The following BCR variants were observed in gnomAD, a reference collection of about 807,000 sequenced individuals.
BCR encodes the protein breakpoint cluster region protein.
A neutral mutation model predicts 138.6 loss-of-function variants in BCR; 58 were observed. The ratio of observed to expected loss-of-function variants is 0.42; its 90% CI spans 0.34 to 0.52. The LOEUF (loss-of-function observed/expected upper bound fraction) is 0.52. BCR is among the 20% of genes least tolerant of loss of function. The probability of loss-of-function intolerance (pLI) is 0.06; values close to 1 mark genes in which losing one functional copy is unlikely to be tolerated. For missense variants in BCR, 1,599 were observed against 1,727.2 expected, an observed-to-expected ratio of 0.93 and a Z score of 1.32; for synonymous variants, 786 against 730.1, an observed-to-expected ratio of 1.08 and a Z score of -1.23.
At chr22:23,264,379 CTG>C (rs1271016848) in intron 4 of BCR, 13 of 871,540 alleles carry the variant, frequency 1.5e-5, no homozygotes, top group Non-Finnish European at 2.5e-5. Context: ...CCACCCCTGC[CTG>C]TGGGCCAAGG....
chr22:23,291,862 G>A (rs1040541879), intron 14 of BCR, among the ~76,000 whole-genome samples: 4 of 152,132 alleles, frequency 2.6e-5, no homozygotes, highest in Non-Finnish European at 5.9e-5. Flanking sequence ...CCTGGCTGTG[G>A]CCTCCTCCCT....
intron 8 of BCR, among the ~76,000 whole-genome samples, chr22:23,279,997 A>G (rs2073624803): frequency 1.3e-5 from 2 of 152,130 alleles, no homozygotes; most frequent in Admixed American, 6.5e-5. Context: ...ACATGGAGAG[A>G]GAAAAGGACC....
intron 5 of BCR, among the ~76,000 whole-genome samples, chr22:23,269,556 G>A (rs1046068787): frequency 6.6e-6 from 1 of 152,156 alleles, no homozygotes; most frequent in Admixed American, 6.5e-5. Flanking sequence ...CACGGGCTTC[G>A]CTCTGATGTC....
rs577780693 is a variant in BCR, at chr22:23,315,160, G to A, written c.3727-273G>A. Among the ~76,000 whole-genome samples the A allele has an allele frequency of 3.2e-3, 494 of 152,228 alleles. 2 individuals are homozygous for A. The highest frequency in any genetic ancestry group is 6.8e-3 in the Middle Eastern group (2 of 294). On this transcript the variant is annotated intron_variant, in intron 22 of 22. Coordinates refer to ENST00000305877, the MANE Select transcript of BCR (RefSeq NM_004327.4). The stretch of plus-strand genomic sequence containing the variant: ...GATTTCTTGAGCCCAGGAGTTAGAG[G>A]CTGCAGTGATCCATGATGGAGCCAC...
intron 16 of BCR, 112 bp downstream of exon 16, chr22:23,295,267 G>A (rs1044978643): frequency 3.9e-5 from 20 of 516,212 alleles, no homozygotes; most frequent in African/African-American, 3.3e-4. Context: ...GGTGGGGTGG[G>A]CAGCTGTGGC....
intron 1 of BCR, among the ~76,000 whole-genome samples, chr22:23,194,672 A>G (rs1390570957): frequency 2.0e-5 from 3 of 151,540 alleles, no homozygotes; most frequent in Admixed American, 1.3e-4. Flanking sequence ...TCGGCCTCCC[A>G]AAGTGCTGGG....
rs376429312 is a variant in BCR at position 23,287,225 on chromosome 22, C to T, written c.2473C>T (p.Leu825=). Residue 825 remains leucine (L), a synonymous_variant, in exon 11 of 23, where the codon CTG becomes TTG. Transcript: ENST00000305877. The part of the protein sequence containing the change: ...KKKLSEQESL[L]LLMSPSMAFR... The stretch of plus-strand genomic sequence containing the variant: ...GAAGCTGTCGGAGCAGGAGTCACTG[C>T]TGCTGCTTATGTCTCCCAGCATGGC... The T allele has an allele frequency of 2.0e-5, 31 of 1,562,624 alleles. No homozygotes were observed. Among genetic ancestry groups the T allele is most frequent in the Non-Finnish European group, 2.7e-5 (31 of 1,152,868 alleles).
chr22:23,190,400 T>G (rs963716155), intron 1 of BCR, among the ~76,000 whole-genome samples: 1 of 152,014 alleles, frequency 6.6e-6, no homozygotes, highest in Non-Finnish European at 1.5e-5. Context: ...ACTTCTGACC[T>G]TAGGTGATCC....
chr22:23,234,167 CT>C (rs1223579680), intron 1 of BCR, among the ~76,000 whole-genome samples: 2 of 152,158 alleles, frequency 1.3e-5, no homozygotes, highest in Non-Finnish European at 2.9e-5. Flanking sequence ...GTCCTATCAG[CT>C]AGTAAAGGAG....
At chr22:23,273,007 T>C (rs953082670) in intron 6 of BCR, 74 bp from the exon 7 acceptor site, 33 of 1,530,190 alleles carry the variant, frequency 2.2e-5, no homozygotes, top group African/African-American at 4.1e-5. Flanking sequence ...CACTCACCCT[T>C]GCACCGAGGG....
chr22:23,297,204 G>GTTTTTTTTTTTTTTT (rs1568979500), intron 16 of BCR, among the ~76,000 whole-genome samples: 8 of 124,148 alleles, frequency 6.4e-5, no homozygotes, highest in African/African-American at 2.1e-4. Context: ...GCCTGGCTAA[G>GTTTTTTTTTTTTTTT]TTGTTTTTTG....
chr22:23,227,201 G>A (rs1407691099), intron 1 of BCR, among the ~76,000 whole-genome samples: 1 of 152,212 alleles, frequency 6.6e-6, no homozygotes, highest in African/African-American at 2.4e-5. Context: ...AGGCTGACAA[G>A]TGCCACTTGT....
At chr22:23,290,633 A>T in intron 14 of BCR, 1 of 542,610 alleles carries the variant, frequency 1.8e-6, no homozygotes, top group Non-Finnish European at 3.3e-6. Flanking sequence ...AGCCTGTCTC[A>T]GATCCTGGGA....
intron 1 of BCR, among the ~76,000 whole-genome samples, chr22:23,242,255 G>A (rs2073101491): frequency 6.6e-6 from 1 of 152,178 alleles, no homozygotes; most frequent in Non-Finnish European, 1.5e-5. Context: ...GTCACTGGGA[G>A]ATATATGAGG....
chr22:23,193,396 G>A (rs947281360), intron 1 of BCR, among the ~76,000 whole-genome samples: 1 of 152,224 alleles, frequency 6.6e-6, no homozygotes, highest in Non-Finnish European at 1.5e-5. Context: ...GGGAGTAGCG[G>A]GTGCAGACCA....
chr22:23,236,875 A>T (rs1478650145), intron 1 of BCR, among the ~76,000 whole-genome samples: 7 of 152,104 alleles, frequency 4.6e-5, no homozygotes, highest in African/African-American at 1.7e-4. Context: ...TGTCTTGAAT[A>T]GTACCCGAGT....
chr22:23,240,106 G>A (rs1363302874), intron 1 of BCR, among the ~76,000 whole-genome samples: 12 of 152,006 alleles, frequency 7.9e-5, no homozygotes, highest in Admixed American at 3.3e-4. Flanking sequence ...ACCACGCCAG[G>A]CCACCTCTTT....
At chr22:23,210,036 A>G (rs984479607) in intron 1 of BCR, among the ~76,000 whole-genome samples, 1 of 152,228 alleles carries the variant, frequency 6.6e-6, no homozygotes, top group African/African-American at 2.4e-5. Context: ...CAAATTTCCA[A>G]TTATAGTAAT....
intron 1 of BCR, among the ~76,000 whole-genome samples, chr22:23,219,058 TG>T (rs1235526657): frequency 6.6e-6 from 1 of 152,146 alleles, no homozygotes; most frequent in Non-Finnish European, 1.5e-5. Context: ...GCTGCCCTAA[TG>T]GCTGTGACAA....
Sources: allele counts gnomAD v4.1 joint callset (sites outside exome capture counted in the v4.1 genomes callset), GRCh38; gene constraint gnomAD v4.1.1; transcripts MANE v1.5; gene names NCBI Gene and HGNC (gene_info 2026-07-23, HGNC 2026-07-21).